Variants in LAMP3 observed in about 807,000 individuals in gnomAD.
The protein encoded by LAMP3 is lysosome-associated membrane glycoprotein 3.
In LAMP3, 26 loss-of-function variants were observed where a neutral mutation model predicts 34.8. The observed-to-expected ratio is 0.75, with a 90% CI of 0.55 to 1.04. The LOEUF (loss-of-function observed/expected upper bound fraction) is 1.04. LAMP3 is among the 50% of genes least tolerant of loss of function. The pLI is 0.00. For synonymous variants in LAMP3, 180 were observed against 201.9 expected, an observed-to-expected ratio of 0.89 and a Z score of 0.92; for missense variants, 495 against 524.0, an observed-to-expected ratio of 0.94 and a Z score of 0.54.
At chr3:183,147,871 C>T (rs1209393999) in intron 3 of LAMP3, among the ~76,000 whole-genome samples, 2 of 152,220 alleles carry the variant, frequency 1.3e-5, no homozygotes, top group Admixed American at 1.3e-4. Flanking sequence ...TACACGTCAC[C>T]ATGGCTAGCT....
At chr3:183,157,592 A>G (rs1305980980) in intron 1 of LAMP3, among the ~76,000 whole-genome samples, 1 of 152,198 alleles carries the variant, frequency 6.6e-6, no homozygotes, top group Non-Finnish European at 1.5e-5. Context: ...ATTGCTACAG[A>G]GACCTCCAGG....
At chr3:183,131,077 GA>G (rs1379603350) in intron 5 of LAMP3, among the ~76,000 whole-genome samples, 3 of 152,206 alleles carry the variant, frequency 2.0e-5, no homozygotes, top group African/African-American at 7.2e-5. Context: ...GTGGTTACCA[GA>G]ATGCTAATTC....
At chr3:183,136,750 C>T (rs1189335899) in intron 4 of LAMP3, among the ~76,000 whole-genome samples, 1 of 151,994 alleles carries the variant, frequency 6.6e-6, no homozygotes, top group Non-Finnish European at 1.5e-5. Context: ...TTCTGATCGC[C>T]ACCTGGGGAG....
intron 3 of LAMP3, among the ~76,000 whole-genome samples, chr3:183,141,912 C>T (rs1720294736): frequency 6.6e-6 from 1 of 152,156 alleles, no homozygotes; most frequent in Non-Finnish European, 1.5e-5. Flanking sequence ...GAAGATATGA[C>T]CTCCAGCTCT....
chr3:183,153,190 A>G lies in LAMP3; in HGVS notation c.759+492T>C, dbSNP rs888860793. On this transcript the variant is annotated intron_variant, in intron 2 of 5. Transcript: ENST00000265598. ...ACTCCGTCTCAAAAAAAAAAAAAAAAAAGAAAGAAAATATTGTTTTAGTGA... is the reference window on the plus strand; with the variant it reads ...ACTCCGTCTCAAAAAAAAAAAAAAAGAAGAAAGAAAATATTGTTTTAGTGA... Among the ~76,000 whole-genome samples, 33 of 151,368 alleles carry G rather than the reference A, an allele frequency of 2.2e-4. 1 individual carries two copies. Among genetic ancestry groups the G allele is most frequent in the African/African-American group, 6.5e-4 (27 of 41,442 alleles).
In LAMP3 at chr3:183,140,548, G is replaced by A. The variant is rs1169255937; in HGVS notation, c.936C>T (p.Val312=). The A allele has an allele frequency of 6.3e-7, 1 of 1,597,414 alleles. No individual in the cohort carries two copies. ...TCTGTAATTACTAACCTGGATCTGA[G>A]ACGGTCAAATAGGCTCCCACTTCAC... ...YISEVGAYLT[V]SDPETIYQGI... The change falls in exon 4 of 6, where the codon GTC becomes GTT. Residue 312 remains valine, a synonymous_variant. Coordinates refer to ENST00000265598, the MANE Select transcript of LAMP3 (RefSeq NM_014398.4).
intron 3 of LAMP3, among the ~76,000 whole-genome samples, chr3:183,146,341 A>G (rs1165061011): frequency 6.6e-6 from 1 of 152,184 alleles, no homozygotes; most frequent in Non-Finnish European, 1.5e-5. Context: ...AGAAAGCAGC[A>G]ACATTTCAAA....
At chr3:183,124,259 T>A in intron 5 of LAMP3, 45 bp from the exon 6 acceptor site, 1 of 1,478,882 alleles carries the variant, frequency 6.8e-7, no homozygotes, top group Non-Finnish European at 9.0e-7. Flanking sequence ...GGTTTGGTGA[T>A]GCAGTCCAGA....
chr3:183,146,522 AT>A lies in LAMP3; in HGVS notation c.888+5852del, dbSNP rs1192142107. ...GTTTTTTGGCCAGCATGGTGCTCAA[AT>A]TTTTTTTTTTTTTTTTTTTTTGAGA... On this transcript the variant is annotated intron_variant, in intron 3 of 5. Coordinates refer to ENST00000265598, the MANE Select transcript of LAMP3 (RefSeq NM_014398.4). Among the ~76,000 whole-genome samples the A allele has an allele frequency of 4.7e-3, 612 of 130,076 alleles. 2 individuals are homozygous for A. The highest frequency in any genetic ancestry group is 6.5e-3 in the African/African-American group (229 of 35,302). 85.3% of individuals were successfully genotyped at this position (130,076 alleles called of 152,430 possible). A position where few individuals can be genotyped will look rare whatever the true frequency, so the allele number is the denominator to read the frequency against.
At chr3:183,159,978 C>A (rs929337511) in intron 1 of LAMP3, among the ~76,000 whole-genome samples, 7 of 152,128 alleles carry the variant, frequency 4.6e-5, no homozygotes, top group Non-Finnish European at 8.8e-5. Flanking sequence ...CGTGAGGAGG[C>A]CTTGAGGGTA....
At position 183,135,818 on chromosome 3, in the gene LAMP3, C is replaced by T; in HGVS notation, c.1016G>A (p.Cys339Tyr). The T allele has an allele frequency of 6.2e-7, 1 of 1,614,056 alleles. No individual in the cohort carries two copies. The highest frequency in any genetic ancestry group is 1.1e-5 in the South Asian group (1 of 91,082). The stretch of plus-strand genomic sequence containing the variant: ...CAACTGGAGGCTCTGTTCACTCACG[C>T]ACTTGAAGGAATGCCCGACTGCTGT... The part of the protein sequence containing the change: ...FQTAVGHSFK[C>Y]VSEQSLQLSA... Residue 339 changes from cysteine (C) to tyrosine (Y), a missense_variant, in exon 5 of 6, where the codon TGC becomes TAC. Coordinates refer to ENST00000265598, the MANE Select transcript of LAMP3 (RefSeq NM_014398.4).
At chr3:183,149,308 CA>C (rs759751406) in intron 3 of LAMP3, among the ~76,000 whole-genome samples, 30 of 151,426 alleles carry the variant, frequency 2.0e-4, no homozygotes, top group Middle Eastern at 3.4e-3. Context: ...TTGGGAGGCT[CA>C]GGGGGGCGGA....
intron 2 of LAMP3, among the ~76,000 whole-genome samples, chr3:183,152,863 C>G (rs1720685698): frequency 6.6e-6 from 1 of 152,132 alleles, no homozygotes; most frequent in Admixed American, 6.5e-5. Context: ...TATTTGAAAT[C>G]ATTAAAGTTT....
chr3:183,125,618 G>A (rs764611343), intron 5 of LAMP3, among the ~76,000 whole-genome samples: 8 of 152,224 alleles, frequency 5.3e-5, no homozygotes, highest in Non-Finnish European at 1.2e-4. Flanking sequence ...TATGGAGATA[G>A]CAATCAGAAG....
At chr3:183,134,114 G>C (rs909670863) in intron 5 of LAMP3, among the ~76,000 whole-genome samples, 2 of 152,154 alleles carry the variant, frequency 1.3e-5, no homozygotes, top group African/African-American at 4.8e-5. Context: ...TCACATTTGA[G>C]CATCTTTAGT....
In LAMP3 at chr3:183,133,916, G is replaced by A. The variant is rs111636041; in HGVS notation, c.1117+1801C>T. Among the ~76,000 whole-genome samples, 39 of 152,164 alleles carry A rather than the reference G, an allele frequency of 2.6e-4. 1 individual carries two copies. Among genetic ancestry groups the A allele is most frequent in the East Asian group, 1.4e-3 (7 of 5,158 alleles). Reference sequence around the variant, plus strand: ...TTCTTCGATCCCCTGTTTAAAAATCGCCTATCACTCAAGACTTCTTTAGTC... The same window carrying A: ...TTCTTCGATCCCCTGTTTAAAAATCACCTATCACTCAAGACTTCTTTAGTC... On this transcript the variant is annotated intron_variant, in intron 5 of 5. Transcript: ENST00000265598.
chr3:183,152,729 CA>C (rs1720679426), intron 2 of LAMP3, among the ~76,000 whole-genome samples: 1 of 152,038 alleles, frequency 6.6e-6, no homozygotes, highest in Admixed American at 6.6e-5. Context: ...TAATTGATGG[CA>C]GGTATGTTCC....
Position 183,124,065 on chromosome 3 carries a change from T to C in LAMP3, c.*16A>G, listed in dbSNP as rs1719726072. ...GTTCTCTAAATTCCATTATTTTCAT[T>C]CCCCCCGGGCAACAATTAGATTCTC... is the stretch of plus-strand genomic sequence containing the variant. On this transcript the variant is annotated 3_prime_UTR_variant, in exon 6 of 6. Transcript: ENST00000265598. The C allele has an allele frequency of 1.2e-6, 2 of 1,613,682 alleles. No individual in the cohort carries two copies. The highest frequency in any genetic ancestry group is 2.2e-5 in the East Asian group (1 of 44,874).
intron 5 of LAMP3, chr3:183,132,019 CTG>C: frequency 1.0e-6 from 1 of 985,348 alleles, no homozygotes; most frequent in Non-Finnish European, 1.2e-6. Context: ...TATTGTCTCC[CTG>C]CTCTGTCTCC....
Sources: allele counts gnomAD v4.1 joint callset (sites outside exome capture counted in the v4.1 genomes callset), GRCh38; gene constraint gnomAD v4.1.1; transcripts MANE v1.5; gene names NCBI Gene and HGNC (gene_info 2026-07-23, HGNC 2026-07-21).